The following WASHC2C variants were observed in gnomAD, a reference collection of about 807,000 sequenced individuals.
WASHC2C encodes the protein WASH complex subunit 2C, also known as Vaccinia Penetration Factor.
In WASHC2C, 73 loss-of-function variants were observed where a neutral mutation model predicts 142.2. The observed-to-expected ratio is 0.51, with a 90% CI of 0.43 to 0.62. The LOEUF (loss-of-function observed/expected upper bound fraction) is 0.62, where lower values mean the gene tolerates loss of function less well. Ranked by LOEUF, WASHC2C falls within the 20% of genes least tolerant of loss-of-function variation. The pLI is 0.00. For missense variants in WASHC2C, 969 were observed against 1,531.7 expected, an observed-to-expected ratio of 0.63 and a Z score of 6.13; for synonymous variants, 337 against 565.5, an observed-to-expected ratio of 0.60 and a Z score of 5.73.
chr10:45,786,850 C>T (rs2058081680), intron 27 of WASHC2C, 176 bp downstream of exon 27: 14 of 1,549,394 alleles, frequency 9.0e-6, no homozygotes, highest in Non-Finnish European at 1.2e-5. Flanking sequence ...TTCTTTGAGC[C>T]CAGTGGTGGG....
chr10:45,787,254 A>G lies in WASHC2C; in HGVS notation c.3087+7A>G. ...CTTACACAGTGCAAACAAGGTGATG[A>G]AACCATCTTTGCTTCCTTGCTCTCT... On this transcript the variant is annotated splice_region_variant and intron_variant, in intron 28 of 30. Coordinates refer to ENST00000623400, the MANE Select transcript of WASHC2C (RefSeq NM_001330074.2). The G allele has an allele frequency of 7.4e-7, 1 of 1,357,634 alleles. No individual in the cohort carries two copies. Among genetic ancestry groups the G allele is most frequent in the Non-Finnish European group, 1.0e-6 (1 of 976,254 alleles). 84.1% of individuals were successfully genotyped at this position (1,357,634 alleles called of 1,614,324 possible).
At chr10:45,765,434 T>G (rs1357021743) in intron 18 of WASHC2C, among the ~76,000 whole-genome samples, 6 of 149,822 alleles carry the variant, frequency 4.0e-5, no homozygotes, top group African/African-American at 1.2e-4. Flanking sequence ...CTCATTTGCA[T>G]GTTGTTCTCC....
intron 3 of WASHC2C, among the ~76,000 whole-genome samples, chr10:45,731,793 CT>C (rs782728565): frequency 1.5e-3 from 162 of 109,860 alleles, no homozygotes; most frequent in African/African-American, 1.7e-3. Flanking sequence ...AGTGATCTGG[CT>C]TTTTTTTTTT....
At chr10:45,742,590 A>G (rs1197127371) in intron 5 of WASHC2C, among the ~76,000 whole-genome samples, 1 of 152,270 alleles carries the variant, frequency 6.6e-6, no homozygotes, top group African/African-American at 2.4e-5. Flanking sequence ...TGCTGGGATT[A>G]CAGGCATGAG....
intron 20 of WASHC2C, 98 bp downstream of exon 20, chr10:45,769,716 T>C: frequency 6.6e-7 from 1 of 1,523,042 alleles, no homozygotes; most frequent in Admixed American, 1.7e-5. Context: ...TTGCTAATCA[T>C]GGATCACATA....
At chr10:45,780,603 T>C (rs1554887722) in intron 23 of WASHC2C, among the ~76,000 whole-genome samples, 1 of 152,180 alleles carries the variant, frequency 6.6e-6, no homozygotes, top group African/African-American at 2.4e-5. Context: ...ATCTTTTATA[T>C]AGAAAGTCTT....
chr10:45,728,343 T>A (rs1428255563), intron 2 of WASHC2C, among the ~76,000 whole-genome samples: 1 of 152,172 alleles, frequency 6.6e-6, no homozygotes, highest in South Asian at 2.1e-4. Context: ...AAAGGGATTT[T>A]AAATTTTTCC....
At chr10:45,769,837 A>G (rs1468391650) in intron 20 of WASHC2C, among the ~76,000 whole-genome samples, 2 of 150,790 alleles carry the variant, frequency 1.3e-5, no homozygotes, top group African/African-American at 2.4e-5. Context: ...CCCAATCATT[A>G]TTTTTTAACC....
In WASHC2C at chr10:45,784,571, G is replaced by T; in HGVS notation, c.2485G>T (p.Asp829Tyr). 1 of 1,611,336 alleles carries T rather than the reference G, an allele frequency of 6.2e-7. No individual in the cohort carries two copies. Among genetic ancestry groups the T allele is most frequent in the African/African-American group, 1.3e-5 (1 of 74,742 alleles). The change falls in exon 24 of 31, where the codon GAT becomes TAT. Residue 829 changes from aspartate (D) to tyrosine (Y), a missense_variant. Coordinates refer to ENST00000623400, the MANE Select transcript of WASHC2C (RefSeq NM_001330074.2). ...APQKEVGKGC[D>Y]PDAHPKSTGV... ...CCTTCCCTCCTGTTCCCAGGGCTGCGATCCTGATGCCCACCCCAAGAGCAC... is the reference window on the plus strand; with the variant it reads ...CCTTCCCTCCTGTTCCCAGGGCTGCTATCCTGATGCCCACCCCAAGAGCAC...
At chr10:45,738,134 G>C in intron 4 of WASHC2C, 89 bp downstream of exon 4, 1 of 1,611,698 alleles carries the variant, frequency 6.2e-7, no homozygotes, top group Non-Finnish European at 8.5e-7. Flanking sequence ...GGGGGATGGT[G>C]GGTGGGGTTG....
chr10:45,765,945 T>G, intron 19 of WASHC2C, 135 bp downstream of exon 19: 3 of 1,409,044 alleles, frequency 2.1e-6, no homozygotes, highest in African/African-American at 1.4e-5. Context: ...CAAGATTGTC[T>G]TTTCTGAAGG....
Position 45,746,691 on chromosome 10 carries a change from T to C in WASHC2C, c.732+44T>C, listed in dbSNP as rs782734139. On this transcript the variant is annotated intron_variant, in intron 8 of 30. Transcript: ENST00000623400. ...AATGACTTTGTTTTTACATTTTAAT[T>C]GAAGCATAGTATATATACTAAAATT... The C allele has an allele frequency of 4.4e-6, 7 of 1,604,436 alleles. No individual in the cohort carries two copies. The East Asian group carries it at 1.6e-4, about 36-fold the overall frequency.
intron 6 of WASHC2C, among the ~76,000 whole-genome samples, chr10:45,743,949 A>T (rs1554869787): frequency 2.6e-5 from 4 of 151,294 alleles, no homozygotes; most frequent in Non-Finnish European, 5.9e-5. Flanking sequence ...GGGTTTCACC[A>T]TATTGTCCAG....
chr10:45,784,291 CACATATAT>C (rs1564820419), intron 23 of WASHC2C, among the ~76,000 whole-genome samples: 14 of 8,784 alleles, frequency 1.6e-3, no homozygotes, highest in African/African-American at 4.1e-3. Flanking sequence ...TATATATATA[CACATATAT>C]ATATATATAT....
intron 26 of WASHC2C, chr10:45,785,842 T>G (rs1197050293): frequency 2.1e-6 from 2 of 951,308 alleles, no homozygotes; most frequent in Non-Finnish European, 3.0e-6. Context: ...ACTTTAATAG[T>G]TAGTGTTTTT....
chr10:45,751,162 T>C (rs1402554582), intron 10 of WASHC2C, among the ~76,000 whole-genome samples: 1 of 151,784 alleles, frequency 6.6e-6, no homozygotes, highest in Non-Finnish European at 1.5e-5. Context: ...ACTCCTATAT[T>C]TTGAACACGT....
At chr10:45,792,111 A>G (rs2058429533) in intron 30 of WASHC2C, 150 bp from the exon 31 acceptor site, 1 of 816,142 alleles carries the variant, frequency 1.2e-6, no homozygotes, top group Non-Finnish European at 1.9e-6. Context: ...ACACAGAACC[A>G]GAATCTAAGA....
intron 26 of WASHC2C, chr10:45,785,854 G>A: frequency 1.1e-6 from 1 of 870,702 alleles, no homozygotes; most frequent in Non-Finnish European, 1.7e-6. Context: ...AGTGTTTTTT[G>A]ATGCCATGCC....
intron 30 of WASHC2C, 114 bp downstream of exon 30, chr10:45,790,647 C>T: frequency 8.4e-7 from 1 of 1,193,602 alleles, no homozygotes. Context: ...AGCGGGTTCA[C>T]TTCAGTGTAA....
Sources: gnomAD v4.1 joint callset for allele counts (sites outside exome capture counted in the v4.1 genomes callset) on GRCh38, gnomAD v4.1.1 for gene constraint, MANE v1.5 for transcripts, NCBI Gene and HGNC (gene_info 2026-07-23, HGNC 2026-07-21) for gene names.